Variants in FRMD1 observed in about 807,000 individuals in gnomAD.
The protein encoded by FRMD1 is FERM domain-containing protein 1.
A neutral mutation model predicts 54.9 loss-of-function variants in FRMD1; 51 were observed. The ratio of observed to expected loss-of-function variants is 0.93; its 90% CI spans 0.74 to 1.17. The LOEUF is 1.17. Ranked by LOEUF, FRMD1 falls within the 50% of genes most tolerant of loss-of-function variation. The pLI, the probability that FRMD1 is intolerant of heterozygous loss-of-function variation, is 0.00. For synonymous variants in FRMD1, 324 were observed against 306.4 expected (o/e 1.06, Z -0.60); for missense variants, 729 against 743.0 (o/e 0.98, Z 0.22).
upstream of FRMD1, among the ~76,000 whole-genome samples, chr6:168,085,316 G>T (rs1316984348): frequency 6.6e-6 from 1 of 152,210 alleles, no homozygotes; most frequent in African/African-American, 2.4e-5. Context: ...AGTGGCAGCC[G>T]CCTGGCTCAG....
At chr6:168,078,558 GGCTCTGCTCACCCTCACA>G (rs1384743891) in intron 1 of FRMD1, among the ~76,000 whole-genome samples, 1 of 53,940 alleles carries the variant, frequency 1.9e-5, no homozygotes, top group African/African-American at 8.0e-5. Context: ...TCACCCCCAC[GGCTCTGCTCACCCTCACA>G]GCCCTGCTCA....
chr6:168,073,498 G>A (rs1429020611), intron 2 of FRMD1, among the ~76,000 whole-genome samples: 1 of 152,086 alleles, frequency 6.6e-6, no homozygotes, highest in Non-Finnish European at 1.5e-5. Context: ...ACCGCCCAGG[G>A]GTCCCACAGC....
chr6:168,086,994 C>A (rs1328591432), intron 1 of FRMD1, among the ~76,000 whole-genome samples: 2 of 152,158 alleles, frequency 1.3e-5, no homozygotes, highest in Non-Finnish European at 2.9e-5. Context: ...CAGCCCTGCG[C>A]TCACCAGCCA....
intron 8 of FRMD1, among the ~76,000 whole-genome samples, chr6:168,061,357 G>A (rs1583171038): frequency 6.6e-6 from 1 of 151,494 alleles, no homozygotes; most frequent in East Asian, 1.9e-4. Context: ...GCCAGGTCTT[G>A]TGCTCAGGTG....
rs1209557034 is a variant in FRMD1, at chr6:168,059,915, C to T, written c.1343-727G>A. Among the ~76,000 whole-genome samples the T allele has an allele frequency of 6.6e-6, 1 of 152,012 alleles. No homozygotes were observed. The highest frequency in any genetic ancestry group is 1.5e-5 in the Non-Finnish European group (1 of 67,988). On this transcript the variant is annotated intron_variant, in intron 9 of 10. Coordinates refer to ENST00000283309, the MANE Select transcript of FRMD1 (RefSeq NM_024919.6). This position sits in a 1 kb window ranked among gnomAD's most constrained non-coding sequence, Gnocchi z 4.4. ...AACACTCTGAATGGCTCTGTCTTCT[C>T]ACTCCTACTCAACTGAGTATAAAAA...
In FRMD1 at chr6:168,078,943, G is replaced by A. The variant is rs770383466; in HGVS notation, c.152C>T (p.Ser51Leu). Reference protein sequence around the residue: ...EPTLGMDAMASEHRDVLVLLP... With the variant: ...EPTLGMDAMALEHRDVLVLLP... ...CAGCACGAGGACATCCCTGTGTTCCGAGGCCATCGCGTCCATTCCCAGGGT... is the reference window on the plus strand; with the variant it reads ...CAGCACGAGGACATCCCTGTGTTCCAAGGCCATCGCGTCCATTCCCAGGGT... The change falls in exon 1 of 11, where the codon TCG (serine) becomes TTG (leucine). Residue 51 changes from serine (S) to leucine (L), a missense_variant. Coordinates refer to ENST00000283309, the MANE Select transcript of FRMD1 (RefSeq NM_024919.6). 1.4e-5 allele frequency: 22 copies of A among 1,609,638 alleles called. No individual in the cohort carries two copies. The highest frequency in any genetic ancestry group is 1.7e-5 in the Non-Finnish European group (20 of 1,179,734).
intron 4 of FRMD1, chr6:168,065,598 A>G: frequency 1.0e-6 from 1 of 986,618 alleles, no homozygotes. Context: ...AGCTCCATCC[A>G]TCAACCCAAC....
At position 168,088,620 on chromosome 6, in the gene FRMD1, C is replaced by T. The variant is rs138877617; in HGVS notation, c.-11-9596G>A. ...TGTGAACCCATCAGGACCAGAGGGC[C>T]AGAGGCTCAGGCAGGGTCAGCTGCA... On this transcript the variant is annotated intron_variant, in intron 1 of 12. Coordinates refer to the FRMD1 transcript ENST00000644440. Among the ~76,000 whole-genome samples, 47 of 152,288 alleles carry T rather than the reference C, an allele frequency of 3.1e-4. No individual in the cohort carries two copies. The South Asian group carries it at 9.1e-3, about 30-fold the overall frequency.
At chr6:168,065,504 C>T in intron 4 of FRMD1, 1 of 991,774 alleles carries the variant, frequency 1.0e-6, no homozygotes, top group South Asian at 4.7e-5. Flanking sequence ...ATTCATTAAT[C>T]ACAGGCCAGG....
intron 7 of FRMD1, chr6:168,062,682 G>C (rs772701083): frequency 6.4e-7 from 1 of 1,550,704 alleles, no homozygotes; most frequent in South Asian, 1.2e-5. Flanking sequence ...AGAAATGCCA[G>C]CTTCCCAACG....
chr6:168,076,599 G>T (rs1364195719), intron 1 of FRMD1, among the ~76,000 whole-genome samples: 1 of 152,192 alleles, frequency 6.6e-6, no homozygotes, highest in East Asian at 1.9e-4. Context: ...CCTGTGAAGA[G>T]GTGCCTTCTG....
rs143307376 is a variant in FRMD1, at chr6:168,064,954, C to T, written c.565G>A (p.Ala189Thr). ...EEAYFLLAAC[A>T]LQADLGEHRE... ...TGCTCGCCCAGGTCAGCCTGCAGCG[C>T]GCAGGCAGCCAGCAGGAAGTAGGCT... Residue 189 changes from alanine (A) to threonine (T), a missense_variant, in exon 5 of 11, where the codon GCG (alanine) becomes ACG (threonine). Transcript: ENST00000283309. 117 of 1,611,700 alleles carry T rather than the reference C, an allele frequency of 7.3e-5. No homozygotes were observed. The African/African-American group carries it at 1.0e-3, about 14-fold the overall frequency.
At chr6:168,071,873 C>T (rs140954786) in intron 2 of FRMD1, among the ~76,000 whole-genome samples, 100 of 152,332 alleles carry the variant, frequency 6.6e-4, no homozygotes, top group Admixed American at 1.4e-3. Flanking sequence ...CGCTGCAGGC[C>T]CTCATCCTGT....
At chr6:168,064,151 C>G (rs960059967) in intron 5 of FRMD1, among the ~76,000 whole-genome samples, 5 of 152,184 alleles carry the variant, frequency 3.3e-5, no homozygotes, top group Non-Finnish European at 7.4e-5. Flanking sequence ...TGCTCAGAGG[C>G]CAAGGGCACG....
chr6:168,064,314 G>A (rs1208216937), intron 5 of FRMD1, among the ~76,000 whole-genome samples: 5 of 152,198 alleles, frequency 3.3e-5, no homozygotes, highest in East Asian at 1.9e-4. Context: ...AAGTTCACCC[G>A]GAACAGGGCC....
intron 1 of FRMD1, among the ~76,000 whole-genome samples, chr6:168,078,078 A>C (rs926207410): frequency 5.3e-5 from 8 of 152,206 alleles, no homozygotes; most frequent in African/African-American, 1.9e-4. Flanking sequence ...GCAATGATAC[A>C]TTAGCTATGC....
intron 8 of FRMD1, 41 bp downstream of exon 8, chr6:168,061,766 C>A: frequency 6.6e-7 from 1 of 1,513,870 alleles, no homozygotes; most frequent in Non-Finnish European, 8.9e-7. Context: ...CCAGAAGGCA[C>A]AGTCCGGCTG....
At chr6:168,083,124 T>C (rs112545079), upstream of FRMD1, among the ~76,000 whole-genome samples, 1,186 of 152,234 alleles carry the variant, frequency 7.8e-3, 9 homozygotes, top group Non-Finnish European at 0.012. Context: ...GGGCCGTATT[T>C]ATTCACCACC....
rs225757 is a variant in FRMD1, at chr6:168,053,797, A to G, written c.*3300T>C. 5.3e-5 allele frequency: 8 copies of G among 152,244 alleles called. No individual in the cohort carries two copies. Among genetic ancestry groups the G allele is most frequent in the African/African-American group, 1.7e-4 (7 of 41,464 alleles). The allele number at this position is 152,244 out of a possible 1,614,324, so 9.4% of individuals were successfully genotyped here. A position where few individuals can be genotyped will look rare whatever the true frequency, so the allele number is the denominator to read the frequency against. On this transcript the variant is annotated 3_prime_UTR_variant, in exon 11 of 11. Transcript: ENST00000283309. The stretch of plus-strand genomic sequence containing the variant: ...CGGGCTGATGCTCGGCTTGGGAACC[A>G]CCTCTCCTGTGAGATCCCAGACACA...
Sources: allele counts gnomAD v4.1 joint callset (sites outside exome capture counted in the v4.1 genomes callset), GRCh38; gene constraint gnomAD v4.1.1; non-coding constraint Gnocchi (gnomAD v3.1); transcripts MANE v1.5; gene names NCBI Gene and HGNC (gene_info 2026-07-23, HGNC 2026-07-21).